The following ATG10 variants were observed in gnomAD, a reference collection of about 807,000 sequenced individuals.
ATG10 encodes the protein autophagy related 10.
In ATG10, 30 loss-of-function variants were observed where a neutral mutation model predicts 32.1. That is an observed-to-expected ratio of 0.94 (90% CI 0.70 to 1.27). The LOEUF (loss-of-function observed/expected upper bound fraction) is 1.27, where lower values mean the gene tolerates loss of function less well. ATG10 is among the 50% of genes most tolerant of loss of function. The probability of loss-of-function intolerance (pLI) is 0.00; values close to 1 mark genes in which losing one functional copy is unlikely to be tolerated. For synonymous variants in ATG10, 87 were observed against 91.5 expected, an observed-to-expected ratio of 0.95 and a Z score of 0.28; for missense variants, 233 against 262.3, an observed-to-expected ratio of 0.89 and a Z score of 0.77.
At chr5:82,100,297 G>A (rs1486222082) in intron 3 of ATG10, among the ~76,000 whole-genome samples, 1 of 151,980 alleles carries the variant, frequency 6.6e-6, no homozygotes, top group South Asian at 2.1e-4. Context: ...GTGAGCCACC[G>A]CACCTGGCCC....
intron 5 of ATG10, among the ~76,000 whole-genome samples, chr5:82,189,816 G>T (rs1339361444): frequency 1.3e-5 from 2 of 152,012 alleles, no homozygotes; most frequent in Admixed American, 1.3e-4. Context: ...GTAGAGATGG[G>T]GTTTCACCAT....
chr5:82,227,378 TTTA>T (rs1190001457), intron 5 of ATG10, among the ~76,000 whole-genome samples: 1 of 150,554 alleles, frequency 6.6e-6, no homozygotes, highest in African/African-American at 2.4e-5. Flanking sequence ...AAAATTTTAT[TTTA>T]TTATTATTTT....
chr5:82,142,492 G>A (rs1025107038), intron 3 of ATG10, among the ~76,000 whole-genome samples: 1 of 152,170 alleles, frequency 6.6e-6, no homozygotes, highest in African/African-American at 2.4e-5. Context: ...CTACAAGTAT[G>A]AGCAGAATGA....
chr5:82,101,610 A>G (rs1406349790), intron 3 of ATG10, among the ~76,000 whole-genome samples: 1 of 152,202 alleles, frequency 6.6e-6, no homozygotes, highest in Non-Finnish European at 1.5e-5. Context: ...TAGAAGTTAA[A>G]AAGAGTTACA....
intron 3 of ATG10, among the ~76,000 whole-genome samples, chr5:82,102,842 C>T (rs906092130): frequency 7.0e-6 from 1 of 143,692 alleles, no homozygotes; most frequent in African/African-American, 2.7e-5. Flanking sequence ...TAATCCTCCT[C>T]TTCATTGGCA....
At chr5:82,013,825 G>A (rs1561254614) in intron 2 of ATG10, among the ~76,000 whole-genome samples, 1 of 151,960 alleles carries the variant, frequency 6.6e-6, no homozygotes, top group Non-Finnish European at 1.5e-5. Context: ...GTCTATTCAT[G>A]TCCTTAGCCC....
In ATG10 at chr5:81,992,761, A is replaced by C. The variant is rs190512717; in HGVS notation, c.108+5083A>C. On this transcript the variant is annotated intron_variant, in intron 2 of 7. Transcript: ENST00000282185. ...TGACAATATTTAGAGAACTGCTATA[A>C]TTTAACTTTATAGAAAGGTGTAAAA... Among the ~76,000 whole-genome samples, 276 of 152,298 alleles carry C rather than the reference A, an allele frequency of 1.8e-3. 2 individuals are homozygous for C. Among genetic ancestry groups the C allele is most frequent in the African/African-American group, 6.4e-3 (264 of 41,562 alleles).
chr5:82,037,428 T>C (rs1164397231), intron 2 of ATG10, among the ~76,000 whole-genome samples: 1 of 148,724 alleles, frequency 6.7e-6, no homozygotes, highest in African/African-American at 2.5e-5. Flanking sequence ...TTTGTATTTT[T>C]AGTAGAGACG....
rs147578772 is a variant in ATG10 at position 82,066,509 on chromosome 5, T to C, written c.216+7907T>C. 2.6e-5 allele frequency among the ~76,000 whole-genome samples: 4 copies of C among 152,288 alleles called. No individual in the cohort carries two copies. In the East Asian group the frequency reaches 7.7e-4, roughly 29 times the overall value. Reference sequence around the variant, plus strand: ...AATAATATACTAGTGGAAGAAAAGATTTTTGTCTTAGGGCCTTGTAGTTCA... The same window carrying C: ...AATAATATACTAGTGGAAGAAAAGACTTTTGTCTTAGGGCCTTGTAGTTCA... On this transcript the variant is annotated intron_variant, in intron 3 of 7. Transcript: ENST00000282185.
intron 6 of ATG10, 87 bp from the exon 7 acceptor site, chr5:82,253,227 A>G: frequency 1.2e-6 from 1 of 868,498 alleles, no homozygotes; most frequent in Non-Finnish European, 1.9e-6. Context: ...CACTTTTGTT[A>G]TTGTTGGTGA....
chr5:82,037,676 T>A (rs1015111822), intron 2 of ATG10, among the ~76,000 whole-genome samples: 1 of 152,186 alleles, frequency 6.6e-6, no homozygotes, highest in African/African-American at 2.4e-5. Context: ...ATTCTTTTCA[T>A]CAGATTAAGA....
At chr5:82,208,064 CTATT>C (rs1364124837) in intron 5 of ATG10, among the ~76,000 whole-genome samples, 1 of 152,134 alleles carries the variant, frequency 6.6e-6, no homozygotes, top group Non-Finnish European at 1.5e-5. Context: ...TTTCTCAGCA[CTATT>C]TATGAAAAAG....
chr5:82,146,570 G>A (rs952996235), intron 3 of ATG10, among the ~76,000 whole-genome samples: 1 of 150,110 alleles, frequency 6.7e-6, no homozygotes, highest in African/African-American at 2.4e-5. Context: ...CTGATGTTCT[G>A]AAATTGTCCC....
intron 2 of ATG10, among the ~76,000 whole-genome samples, chr5:82,044,212 C>G (rs767757574): frequency 1.3e-5 from 2 of 152,046 alleles, no homozygotes; most frequent in Non-Finnish European, 2.9e-5. Flanking sequence ...TTCACAATGA[C>G]AGAGCAGGAG....
intron 1 of ATG10, among the ~76,000 whole-genome samples, chr5:81,985,856 G>A (rs1195918124): frequency 6.6e-6 from 1 of 152,126 alleles, no homozygotes; most frequent in Non-Finnish European, 1.5e-5. Flanking sequence ...TCCGCCTCCC[G>A]GGTTCCCGCC....
At chr5:82,152,253 C>T (rs796215833) in intron 3 of ATG10, among the ~76,000 whole-genome samples, 67 of 152,316 alleles carry the variant, frequency 4.4e-4, no homozygotes, top group African/African-American at 1.5e-3. Context: ...TTACCTCTGG[C>T]TCTTTAGAGT....
At chr5:82,124,179 ATTTT>A (rs1766160331) in intron 3 of ATG10, among the ~76,000 whole-genome samples, 1 of 141,312 alleles carries the variant, frequency 7.1e-6, no homozygotes, top group African/African-American at 2.6e-5. Context: ...AATTTTTTGT[ATTTT>A]TAGTAGAGAT....
At chr5:82,164,285 C>T (rs894445406) in intron 3 of ATG10, 114 bp from the exon 4 acceptor site, 5 of 1,066,724 alleles carry the variant, frequency 4.7e-6, no homozygotes, top group African/African-American at 3.2e-5. Flanking sequence ...TGCCTCATAG[C>T]CTTATATTTA....
intron 4 of ATG10, among the ~76,000 whole-genome samples, chr5:82,173,832 A>G (rs2149915237): frequency 6.6e-6 from 1 of 152,312 alleles, no homozygotes; most frequent in East Asian, 1.9e-4. Context: ...AAAGTTTCTC[A>G]TTGAAGATAC....
Sources: allele counts gnomAD v4.1 joint callset (sites outside exome capture counted in the v4.1 genomes callset), GRCh38; gene constraint gnomAD v4.1.1; transcripts MANE v1.5; gene names NCBI Gene and HGNC (gene_info 2026-07-23, HGNC 2026-07-21).